The following MEIS2 variants were observed in gnomAD, a reference collection of about 807,000 sequenced individuals.
MEIS2 encodes the protein homeobox protein Meis2.
A neutral mutation model predicts 58.6 loss-of-function variants in MEIS2; 9 were observed. The ratio of observed to expected loss-of-function variants is 0.15; its 90% CI spans 0.09 to 0.27. The LOEUF is 0.27. Among genes scored for constraint, MEIS2 ranks in the 10% least tolerant of loss-of-function variants. The pLI is 1.00. For synonymous variants in MEIS2, 221 were observed against 228.4 expected (o/e 0.97, Z 0.29); for missense variants, 427 against 635.0 (o/e 0.67, Z 3.52).
At chr15:36,921,530 G>GT (rs1456075933) in intron 9 of MEIS2, among the ~76,000 whole-genome samples, 1 of 152,206 alleles carries the variant, frequency 6.6e-6, no homozygotes, top group Non-Finnish European at 1.5e-5. Flanking sequence ...AACTTTGGGA[G>GT]TTGAAGGTTG....
chr15:37,048,730 A>G (rs2062782503), intron 7 of MEIS2, among the ~76,000 whole-genome samples: 1 of 152,120 alleles, frequency 6.6e-6, no homozygotes, highest in Non-Finnish European at 1.5e-5. Context: ...CCGTCTCTAT[A>G]ATAATAATGT....
intron 8 of MEIS2, among the ~76,000 whole-genome samples, chr15:36,957,450 G>A (rs2059021193): frequency 6.6e-6 from 1 of 152,132 alleles, no homozygotes; most frequent in South Asian, 2.1e-4. Flanking sequence ...TTCAAATGGT[G>A]TGGGATCAAA....
chr15:36,907,517 T>C lies in MEIS2; in HGVS notation c.978-10831A>G, dbSNP rs115829563. Among the ~76,000 whole-genome samples the C allele has an allele frequency of 8.7e-3, 1,325 of 152,300 alleles. 20 individuals carry two copies. The highest frequency in any genetic ancestry group is 0.031 in the African/African-American group (1,276 of 41,556). On this transcript the variant is annotated intron_variant, in intron 9 of 11. Transcript: ENST00000561208. The stretch of plus-strand genomic sequence containing the variant: ...GCAGGGGATACTTCAGAAGACCAGA[T>C]TGGCATGCCAGAAGTGTTTGGATGG...
intron 8 of MEIS2, among the ~76,000 whole-genome samples, chr15:36,974,847 T>C (rs772351656): frequency 8.5e-5 from 13 of 152,246 alleles, no homozygotes; most frequent in Admixed American, 2.0e-4. Context: ...CTCATCAGAA[T>C]TGTTCTTGAA....
chr15:37,028,444 T>A (rs2061786885), intron 8 of MEIS2, among the ~76,000 whole-genome samples: 1 of 152,204 alleles, frequency 6.6e-6, no homozygotes, highest in Non-Finnish European at 1.5e-5. Flanking sequence ...CATAGCAATA[T>A]GCAATTTTTC....
chr15:37,003,743 G>A (rs1272137673), intron 8 of MEIS2, among the ~76,000 whole-genome samples: 1 of 152,172 alleles, frequency 6.6e-6, no homozygotes, highest in East Asian at 1.9e-4. Context: ...CCCAATGTGA[G>A]GATATTAGGA....
intron 7 of MEIS2, among the ~76,000 whole-genome samples, chr15:37,073,513 T>C (rs930130990): frequency 2.0e-5 from 3 of 152,012 alleles, no homozygotes; most frequent in African/African-American, 7.2e-5. Flanking sequence ...CTTTGTGTAT[T>C]AAATTTAAAC....
At chr15:36,912,585 T>C (rs1287795411) in intron 9 of MEIS2, among the ~76,000 whole-genome samples, 1 of 152,128 alleles carries the variant, frequency 6.6e-6, no homozygotes, top group Non-Finnish European at 1.5e-5. Context: ...CCAGAAGGGA[T>C]GGGCAAGCCA....
chr15:36,917,510 G>T (rs953356278), intron 9 of MEIS2, among the ~76,000 whole-genome samples: 1 of 150,388 alleles, frequency 6.6e-6, no homozygotes, highest in African/African-American at 2.4e-5. Context: ...AGTTCTAAGG[G>T]TTATACATGA....
rs563362012 is a variant in MEIS2 at position 36,893,273 on chromosome 15, C to G, written c.1148-814G>C. On this transcript the variant is annotated intron_variant, in intron 11 of 11. Coordinates refer to ENST00000561208, the MANE Select transcript of MEIS2 (RefSeq NM_170675.5). Reference sequence around the variant, plus strand: ...AAGGTTATATTTACTGTTGCACATCCCCGGATCTAAAAGGACAGCTTTATT... The same window carrying G: ...AAGGTTATATTTACTGTTGCACATCGCCGGATCTAAAAGGACAGCTTTATT... 5.6e-4 allele frequency among the ~76,000 whole-genome samples: 86 copies of G among 152,272 alleles called. 1 individual carries two copies. The highest frequency in any genetic ancestry group is 3.4e-3 in the Middle Eastern group (1 of 294).
At chr15:37,093,449 G>A (rs1052403462) in intron 6 of MEIS2, 132 bp downstream of exon 6, 2 of 1,134,320 alleles carry the variant, frequency 1.8e-6, no homozygotes, top group Non-Finnish European at 2.4e-6. Flanking sequence ...GCAAGAAAGA[G>A]AAGAAAAGAC....
chr15:36,925,058 T>C (rs1809405479), intron 9 of MEIS2, among the ~76,000 whole-genome samples: 1 of 152,182 alleles, frequency 6.6e-6, no homozygotes, highest in African/African-American at 2.4e-5. Context: ...ATGCAGTGAC[T>C]GTCTGGCACT....
intron 9 of MEIS2, among the ~76,000 whole-genome samples, chr15:36,935,422 T>C (rs1043669408): frequency 8.5e-5 from 13 of 152,098 alleles, no homozygotes; most frequent in African/African-American, 2.7e-4. Context: ...TTGGATGGAC[T>C]GTAAATATTT....
At chr15:36,982,370 T>C (rs1197295599) in intron 8 of MEIS2, among the ~76,000 whole-genome samples, 1 of 152,188 alleles carries the variant, frequency 6.6e-6, no homozygotes, top group African/African-American at 2.4e-5. Context: ...AGTTTAACTC[T>C]TTTAGTATCC....
intron 10 of MEIS2, 79 bp from the exon 11 acceptor site, chr15:36,895,340 C>T: frequency 8.0e-7 from 1 of 1,253,170 alleles, no homozygotes; most frequent in Non-Finnish European, 1.1e-6. Flanking sequence ...CCCGCTGCAG[C>T]ACTGAAACGT....
intron 2 of MEIS2, 110 bp downstream of exon 2, chr15:37,097,857 A>C: frequency 5.8e-6 from 8 of 1,383,672 alleles, no homozygotes; most frequent in Middle Eastern, 1.9e-4. Flanking sequence ...CCCGCCCCCC[A>C]CCATACAGAA....
At chr15:37,091,848 T>C (rs552382647) in intron 6 of MEIS2, among the ~76,000 whole-genome samples, 13 of 152,244 alleles carry the variant, frequency 8.5e-5, no homozygotes, top group African/African-American at 2.9e-4. Flanking sequence ...CTCCGAGAAC[T>C]GTGAACCTCT....
At chr15:36,951,174 T>A (rs2058738176) in intron 8 of MEIS2, among the ~76,000 whole-genome samples, 1 of 152,208 alleles carries the variant, frequency 6.6e-6, no homozygotes, top group Admixed American at 6.6e-5. Flanking sequence ...CCAACATTTA[T>A]AATGAACAGT....
intron 7 of MEIS2, among the ~76,000 whole-genome samples, chr15:37,047,203 A>G (rs1351461662): frequency 6.6e-6 from 1 of 152,092 alleles, no homozygotes; most frequent in East Asian, 1.9e-4. Flanking sequence ...TAACACTCAT[A>G]TTTTATTAAG....
Sources: gnomAD v4.1 joint callset for allele counts (sites outside exome capture counted in the v4.1 genomes callset) on GRCh38, gnomAD v4.1.1 for gene constraint, MANE v1.5 for transcripts, NCBI Gene and HGNC (gene_info 2026-07-23, HGNC 2026-07-21) for gene names.